The following NBAS variants were observed in gnomAD, a reference collection of about 807,000 sequenced individuals.
NBAS encodes NBAS subunit of NRZ tethering complex, also known as NAG/BC035112 fusion.
NBAS carries 219 observed loss-of-function variants against 302.5 expected under a neutral mutation model. The ratio of observed to expected loss-of-function variants is 0.72; its 90% CI spans 0.65 to 0.81. The LOEUF is 0.81. NBAS is among the 30% of genes least tolerant of loss of function. The pLI, the probability that NBAS is intolerant of heterozygous loss-of-function variation, is 0.00. For missense variants in NBAS, 2,932 were observed against 2,841.6 expected (o/e 1.03, Z -0.72); for synonymous variants, 1,118 against 1,021.6 (o/e 1.09, Z -1.80).
At chr2:14,838,164 AT>A in the NBAS span, among the ~76,000 whole-genome samples, 2 of 151,868 alleles carry the variant, frequency 1.3e-5, no homozygotes, top group Non-Finnish European at 2.9e-5. Context: ...ATTACTATGA[AT>A]TTTTTTGCTC....
intron 11 of NBAS, among the ~76,000 whole-genome samples, chr2:15,491,552 C>T (rs969524404): frequency 3.9e-5 from 6 of 151,948 alleles, no homozygotes; most frequent in Non-Finnish European, 7.4e-5. Context: ...CTGGCTAACA[C>T]AGTGAAACCC....
In NBAS at chr2:15,419,399, G is replaced by A. The variant is rs546974519; in HGVS notation, c.2578-1687C>T. On this transcript the variant is annotated intron_variant, in intron 23 of 51. Coordinates refer to ENST00000281513, the MANE Select transcript of NBAS (RefSeq NM_015909.4). The stretch of plus-strand genomic sequence containing the variant: ...TATTAAAAGTAAAAATTGTGTGTGT[G>A]TATGAGTGTGTGTGTGTGTGTCTGT... Among the ~76,000 whole-genome samples the A allele has an allele frequency of 3.3e-5, 5 of 151,648 alleles. No homozygotes were observed. In the South Asian group the frequency reaches 8.3e-4, roughly 25 times the overall value.
the NBAS span, among the ~76,000 whole-genome samples, chr2:14,909,319 C>T: frequency 4.3e-5 from 2 of 46,712 alleles, no homozygotes; most frequent in African/African-American, 6.9e-5. Flanking sequence ...GACTCCGTCT[C>T]AAAAAAAAAA....
At position 15,342,268 on chromosome 2, in the gene NBAS, A is replaced by G. The variant is rs1170955027; in HGVS notation, c.4179+9724T>C. Among the ~76,000 whole-genome samples, 3 of 152,162 alleles carry G rather than the reference A, an allele frequency of 2.0e-5. No homozygotes were observed. The East Asian group carries it at 5.8e-4, about 29-fold the overall frequency. On this transcript the variant is annotated intron_variant, in intron 35 of 51. Transcript: ENST00000281513. ...CTAAATGTACAAAAGCAAAGGAAAC[A>G]ATACATAAATCACACAATAAATAAA... is the stretch of plus-strand genomic sequence containing the variant.
At chr2:15,330,139 G>A (rs565402788) in intron 36 of NBAS, among the ~76,000 whole-genome samples, 1 of 152,250 alleles carries the variant, frequency 6.6e-6, no homozygotes, top group East Asian at 1.9e-4. Context: ...TCCAGTGTGA[G>A]ATTAAAGGAC....
At chr2:15,554,263 T>C (rs1469513929) in intron 3 of NBAS, 125 bp from the exon 4 acceptor site, 1 of 855,544 alleles carries the variant, frequency 1.2e-6, no homozygotes, top group African/African-American at 1.7e-5. Context: ...AAAATTTGAA[T>C]ATTAGCAAAC....
At chr2:14,884,652 G>A in the NBAS span, among the ~76,000 whole-genome samples, 6 of 152,130 alleles carry the variant, frequency 3.9e-5, no homozygotes, top group African/African-American at 1.2e-4. Context: ...AGAATACTGT[G>A]GTAAGCAACA....
chr2:15,552,066 TATAAA>T (rs1338070819), intron 5 of NBAS, among the ~76,000 whole-genome samples: 1 of 152,226 alleles, frequency 6.6e-6, no homozygotes, highest in Non-Finnish European at 1.5e-5. Context: ...GAATAATTAT[TATAAA>T]ATATGTTTAA....
intron 28 of NBAS, 145 bp from the exon 29 acceptor site, chr2:15,383,462 T>C (rs1675143481): frequency 2.8e-6 from 2 of 705,454 alleles, no homozygotes. Context: ...AAAGAATATA[T>C]CTCCTTTAAA....
At chr2:14,926,711 C>G in the NBAS span, among the ~76,000 whole-genome samples, 2 of 152,148 alleles carry the variant, frequency 1.3e-5, no homozygotes, top group African/African-American at 4.8e-5. Context: ...CTGTCCATCT[C>G]CAGGACTTTT....
chr2:15,497,134 T>G (rs532569101), intron 11 of NBAS, among the ~76,000 whole-genome samples: 5 of 152,170 alleles, frequency 3.3e-5, no homozygotes, highest in Non-Finnish European at 7.3e-5. Flanking sequence ...GCCAGTGGCA[T>G]GAGATCAGTC....
intron 40 of NBAS, among the ~76,000 whole-genome samples, chr2:15,297,654 GAGTC>G: frequency 6.6e-6 from 1 of 152,196 alleles, no homozygotes; most frequent in Non-Finnish European, 1.5e-5. Flanking sequence ...GTGGAGCTAT[GAGTC>G]AATTAAACCT....
At chr2:15,159,259 A>G in the NBAS span, among the ~76,000 whole-genome samples, 3 of 152,146 alleles carry the variant, frequency 2.0e-5, no homozygotes, top group Non-Finnish European at 4.4e-5. Flanking sequence ...TCTTTCATAG[A>G]TTTCATCACA....
intron 48 of NBAS, among the ~76,000 whole-genome samples, chr2:15,208,889 G>C (rs1208400492): frequency 1.3e-5 from 2 of 152,030 alleles, no homozygotes; most frequent in Admixed American, 1.3e-4. Flanking sequence ...ATCTTAAAGA[G>C]CTAGAAAAGC....
At chr2:14,786,612 T>G in the NBAS span, among the ~76,000 whole-genome samples, 2 of 152,216 alleles carry the variant, frequency 1.3e-5, no homozygotes, top group Admixed American at 1.3e-4. Flanking sequence ...GTTGTTCAGT[T>G]TGCATGTAGT....
intron 10 of NBAS, among the ~76,000 whole-genome samples, chr2:15,507,442 A>G (rs2148641844): frequency 6.6e-6 from 1 of 152,342 alleles, no homozygotes; most frequent in East Asian, 1.9e-4. Flanking sequence ...AAATTCAGTC[A>G]ACTTTGTTCA....
At chr2:15,017,257 A>T in the NBAS span, among the ~76,000 whole-genome samples, 2 of 152,152 alleles carry the variant, frequency 1.3e-5, no homozygotes, top group African/African-American at 4.8e-5. Context: ...GGATCTGGAA[A>T]AAATGATTTT....
chr2:15,279,133 G>A (rs935579703), intron 42 of NBAS, among the ~76,000 whole-genome samples: 4 of 152,034 alleles, frequency 2.6e-5, no homozygotes, highest in East Asian at 1.9e-4. Flanking sequence ...CTGTGTAGTC[G>A]CAATAAAAGG....
At chr2:15,145,695 T>C in the NBAS span, among the ~76,000 whole-genome samples, 1 of 152,024 alleles carries the variant, frequency 6.6e-6, no homozygotes, top group East Asian at 1.9e-4. Flanking sequence ...AAAAGTATGA[T>C]GGAATTTTAC....
Sources: allele counts gnomAD v4.1 joint callset (sites outside exome capture counted in the v4.1 genomes callset), GRCh38; gene constraint gnomAD v4.1.1; transcripts MANE v1.5; gene names NCBI Gene and HGNC (gene_info 2026-07-23, HGNC 2026-07-21).